LRP1B: variants seen among roughly 807,000 people sequenced by gnomAD.
The protein encoded by LRP1B is LDL receptor related protein 1B.
In LRP1B, 217 loss-of-function variants were observed where a neutral mutation model predicts 556.6. The observed-to-expected ratio is 0.39, with a 90% CI of 0.35 to 0.44. The LOEUF (loss-of-function observed/expected upper bound fraction) is 0.44, where lower values mean the gene tolerates loss of function less well. LRP1B is among the 20% of genes least tolerant of loss of function. The pLI is 1.00. For synonymous variants in LRP1B, 2,047 were observed against 1,865.8 expected (o/e 1.10, Z -2.50); for missense variants, 5,053 against 5,620.8 (o/e 0.90, Z 3.23).
At chr2:141,784,445 A>G (rs2105646655) in intron 2 of LRP1B, among the ~76,000 whole-genome samples, 1 of 152,144 alleles carries the variant, frequency 6.6e-6, no homozygotes, top group East Asian at 1.9e-4. Flanking sequence ...AACGCTAGTT[A>G]TAAATTATTT....
At chr2:141,046,218 T>G (rs1007648406) in intron 11 of LRP1B, among the ~76,000 whole-genome samples, 2 of 152,150 alleles carry the variant, frequency 1.3e-5, no homozygotes, top group African/African-American at 4.8e-5. Context: ...ACCCTTGTAC[T>G]TCAAACTACG....
At chr2:141,359,667 A>G (rs971652144) in intron 3 of LRP1B, among the ~76,000 whole-genome samples, 2 of 152,140 alleles carry the variant, frequency 1.3e-5, no homozygotes, top group Admixed American at 1.3e-4. Flanking sequence ...GAGGCAGGAG[A>G]ATCGCTTGAA....
At chr2:140,681,282 A>G (rs1044811493) in intron 41 of LRP1B, among the ~76,000 whole-genome samples, 3 of 152,248 alleles carry the variant, frequency 2.0e-5, no homozygotes, top group South Asian at 2.1e-4. Context: ...TATTTGCAGA[A>G]CAAATGAAAT....
At chr2:142,008,155 C>G (rs1461766852) in intron 1 of LRP1B, among the ~76,000 whole-genome samples, 1 of 152,166 alleles carries the variant, frequency 6.6e-6, no homozygotes, top group Non-Finnish European at 1.5e-5. Flanking sequence ...TTAGGCTACC[C>G]AAGTGGGCAC....
At chr2:142,124,839 T>C (rs1707580476) in intron 1 of LRP1B, among the ~76,000 whole-genome samples, 1 of 151,890 alleles carries the variant, frequency 6.6e-6, no homozygotes, top group South Asian at 2.1e-4. Flanking sequence ...GTTGTTGTTA[T>C]TGTTTCTTCA....
At position 140,475,266 on chromosome 2, in the gene LRP1B, C is replaced by G. The variant is rs1687925100; in HGVS notation, c.9497G>C (p.Ser3166Thr). ...GRVGMDGTNQSVVIETKISRP... is the reference protein window; with the variant it reads ...GRVGMDGTNQTVVIETKISRP... ...AGAAATCTTGGTTTCTATGACAACA[C>G]TCTGATTGGTTCCATCCATTCCAAC... The change falls in exon 60 of 91, where the codon AGT becomes ACT. Residue 3166 changes from serine to threonine, a missense_variant. Transcript: ENST00000389484. 4 of 1,612,166 alleles carry G rather than the reference C, an allele frequency of 2.5e-6. No homozygotes were observed. The highest frequency in any genetic ancestry group is 3.4e-6 in the Non-Finnish European group (4 of 1,178,792).
chr2:140,894,590 G>A (rs1693895032), intron 23 of LRP1B, among the ~76,000 whole-genome samples: 1 of 151,950 alleles, frequency 6.6e-6, no homozygotes, highest in Admixed American at 6.6e-5. Flanking sequence ...GAAGAGAAAG[G>A]GTACATTTAG....
At chr2:141,891,083 T>G (rs987318159) in intron 1 of LRP1B, among the ~76,000 whole-genome samples, 1 of 152,134 alleles carries the variant, frequency 6.6e-6, no homozygotes, top group African/African-American at 2.4e-5. Context: ...CCTTCTCCAC[T>G]TTACAGCATG....
intron 3 of LRP1B, among the ~76,000 whole-genome samples, chr2:141,323,862 C>A (rs1203894788): frequency 1.3e-5 from 2 of 151,708 alleles, no homozygotes; most frequent in Non-Finnish European, 2.9e-5. Flanking sequence ...AACACACACA[C>A]ACATACACAC....
At chr2:141,022,286 TTTGA>T (rs1004530780) in intron 11 of LRP1B, among the ~76,000 whole-genome samples, 13 of 147,892 alleles carry the variant, frequency 8.8e-5, no homozygotes, top group African/African-American at 3.3e-4. Flanking sequence ...CTGTTTGTGC[TTTGA>T]TTTTTTTTTC....
chr2:141,472,797 C>CAGTTTACACCATTTGTAAA (rs555068658), intron 3 of LRP1B, among the ~76,000 whole-genome samples: 4,206 of 119,690 alleles, frequency 0.035, 101 homozygotes, highest in Non-Finnish European at 0.049. Flanking sequence ...TACTAGTAGG[C>CAGTTTACACCATTTGTAAA]AGTTTACACC....
At chr2:141,822,118 C>CAGAGAGAGAGAGAGAG (rs1417592688) in intron 1 of LRP1B, among the ~76,000 whole-genome samples, 1 of 102,988 alleles carries the variant, frequency 9.7e-6, no homozygotes, top group African/African-American at 4.2e-5. Flanking sequence ...CACACACACA[C>CAGAGAGAGAGAGAGAG]ACACACACAC....
At chr2:140,618,217 AAATT>A (rs1683325604) in intron 41 of LRP1B, among the ~76,000 whole-genome samples, 1 of 151,950 alleles carries the variant, frequency 6.6e-6, no homozygotes, top group Admixed American at 6.6e-5. Flanking sequence ...ATAAGAAAAT[AAATT>A]AAGACAGAGA....
At chr2:140,701,253 C>T (rs1686630416) in intron 40 of LRP1B, among the ~76,000 whole-genome samples, 1 of 151,906 alleles carries the variant, frequency 6.6e-6, no homozygotes, top group South Asian at 2.1e-4. Context: ...AAATCATTGT[C>T]CTGTAAGTTT....
chr2:141,169,586 G>A (rs1008448355), intron 7 of LRP1B, among the ~76,000 whole-genome samples: 2 of 151,500 alleles, frequency 1.3e-5, no homozygotes, highest in Non-Finnish European at 2.9e-5. Context: ...GGGCAATAGC[G>A]ACAGAATTAA....
chr2:140,820,592 G>A (rs534351387), intron 31 of LRP1B, among the ~76,000 whole-genome samples: 5 of 131,448 alleles, frequency 3.8e-5, no homozygotes, highest in East Asian at 2.6e-4. Flanking sequence ...CAGAATCAAC[G>A]AAATTATTTT....
chr2:140,239,225 G>GA (rs1279788899), intron 88 of LRP1B, among the ~76,000 whole-genome samples: 1 of 150,772 alleles, frequency 6.6e-6, no homozygotes, highest in African/African-American at 2.4e-5. Context: ...AGTTTTGCTA[G>GA]AATATATACA....
intron 43 of LRP1B, among the ~76,000 whole-genome samples, chr2:140,542,337 T>C (rs1038955913): frequency 6.6e-6 from 1 of 152,102 alleles, no homozygotes; most frequent in Non-Finnish European, 1.5e-5. Context: ...CAGATATATG[T>C]TAGATACTCA....
At chr2:140,276,620 C>T (rs1479381039) in intron 84 of LRP1B, among the ~76,000 whole-genome samples, 1 of 151,934 alleles carries the variant, frequency 6.6e-6, no homozygotes, top group Non-Finnish European at 1.5e-5. Flanking sequence ...CTTCTTTAGG[C>T]AGGTTGCAAG....
Sources: allele counts gnomAD v4.1 joint callset (sites outside exome capture counted in the v4.1 genomes callset), GRCh38; gene constraint gnomAD v4.1.1; transcripts MANE v1.5; gene names NCBI Gene and HGNC (gene_info 2026-07-23, HGNC 2026-07-21).